Variants in DEFB116 observed in about 807,000 individuals in gnomAD.
DEFB116 encodes the protein defensin beta 116.
A neutral mutation model predicts 2.8 loss-of-function variants in DEFB116; 5 were observed. The ratio of observed to expected loss-of-function variants is 1.80; its 90% CI spans 0.94 to 3.79. The LOEUF is 3.79. Ranked by LOEUF, DEFB116 falls within the 30% of genes most tolerant of loss-of-function variation. The probability of loss-of-function intolerance (pLI) is 0.00; values close to 1 mark genes in which losing one functional copy is unlikely to be tolerated. For missense variants in DEFB116, 170 were observed against 118.0 expected (o/e 1.44, Z -2.04); for synonymous variants, 56 against 40.8 (o/e 1.37, Z -1.42).
chr20:31,305,836 T>C (rs117035090), intron 1 of DEFB116, among the ~76,000 whole-genome samples: 2,299 of 152,178 alleles, frequency 0.015, 28 homozygotes, highest in Non-Finnish European at 0.022. Flanking sequence ...TTTTTACGTA[T>C]ATTCATACTA....
In DEFB116 at chr20:31,308,540, T is replaced by C. The variant is rs1304713869; in HGVS notation, c.46A>G (p.Ile16Val). The change falls in exon 1 of 2, where the codon ATC becomes GTC. Residue 16 changes from isoleucine (I) to valine (V), a missense_variant. By Grantham distance (29) the Ile-to-Val change is conservative. Transcript: ENST00000400549. Reference sequence around the variant, plus strand: ...TTACCTGGAGTCTTTTGAGCCAGGATCATAAGGATGGCAATGGTCATTAAA... The same window carrying C: ...TTACCTGGAGTCTTTTGAGCCAGGACCATAAGGATGGCAATGGTCATTAAA... ...PCLMTIAILM[I>V]LAQKTPGGLF... 6.2e-7 allele frequency: 1 copy of C among 1,613,564 alleles called. No individual in the cohort carries two copies. Among genetic ancestry groups the C allele is most frequent in the South Asian group, 1.1e-5 (1 of 91,068 alleles).
In DEFB116 at chr20:31,307,260, C is replaced by A. The variant is rs190894806; in HGVS notation, c.67+1259G>T. On this transcript the variant is annotated intron_variant, in intron 1 of 1. Coordinates refer to ENST00000400549, the MANE Select transcript of DEFB116 (RefSeq NM_001037731.1). ...TTGGTAATTTTTGAAATATCCAACA[C>A]AGTACCGTTAACTATAGGAACTGTG... 7.5e-3 allele frequency among the ~76,000 whole-genome samples: 1,147 copies of A among 152,222 alleles called. 7 individuals are homozygous for A. Among genetic ancestry groups the A allele is most frequent in the Non-Finnish European group, 9.2e-3 (624 of 67,996 alleles).
At chr20:31,303,571 A>G (rs1475206320) in intron 1 of DEFB116, 118 bp from the exon 2 acceptor site, 16 of 1,392,684 alleles carry the variant, frequency 1.1e-5, no homozygotes, top group Non-Finnish European at 1.5e-5. Context: ...AATCAAAACT[A>G]CCTAGATTCA....
intron 1 of DEFB116, 102 bp downstream of exon 1, chr20:31,308,417 T>C (rs1985044787): frequency 8.9e-7 from 1 of 1,127,364 alleles, no homozygotes; most frequent in Admixed American, 1.8e-5. Flanking sequence ...GAAAAGGCTT[T>C]AGGTGTTGCC....
At chr20:31,305,334 G>A (rs924458649) in intron 1 of DEFB116, among the ~76,000 whole-genome samples, 5 of 152,028 alleles carry the variant, frequency 3.3e-5, no homozygotes, top group Non-Finnish European at 7.4e-5. Flanking sequence ...ACACTGGAGG[G>A]CAGTTGGAGA....
In DEFB116 at chr20:31,303,266, G is replaced by A. The variant is rs552225179; in HGVS notation, c.255C>T (p.Tyr85=). Residue 85 remains tyrosine (Y), a synonymous_variant, in exon 2 of 2, where the codon TAC becomes TAT. Coordinates refer to ENST00000400549, the MANE Select transcript of DEFB116 (RefSeq NM_001037731.1). ...TAACTGACAAGTTGGAGTTAGAGTCGTAATCCTCCTTCACATTTTTAGAAC... is the reference window on the plus strand; with the variant it reads ...TAACTGACAAGTTGGAGTTAGAGTCATAATCCTCCTTCACATTTTTAGAAC... ...ITSSKNVKED[Y]DSNSNLSVTN... 6 of 1,613,558 alleles carry A rather than the reference G, an allele frequency of 3.7e-6. No individual in the cohort carries two copies. Among genetic ancestry groups the A allele is most frequent in the Middle Eastern group, 1.7e-4 (1 of 6,056 alleles).
In DEFB116 at chr20:31,303,402, C is replaced by A. The variant is rs777067232; in HGVS notation, c.119G>T (p.Cys40Phe). Residue 40 changes from cysteine to phenylalanine, a missense_variant, in exon 2 of 2, where the codon TGT becomes TTT. Transcript: ENST00000400549. ...TCTGCACATGCCTTGGTAAAGCTCA[C>A]ATGGATTCCAAGGCTCTCGGCTCTT... ...NGKSREPWNP[C>F]ELYQGMCRNA... 6.2e-7 allele frequency: 1 copy of A among 1,613,530 alleles called. No homozygotes were observed. Among genetic ancestry groups the A allele is most frequent in the Non-Finnish European group, 8.5e-7 (1 of 1,179,598 alleles).
At chr20:31,305,474 A>C (rs567638381) in intron 1 of DEFB116, among the ~76,000 whole-genome samples, 15 of 152,132 alleles carry the variant, frequency 9.9e-5, no homozygotes, top group Non-Finnish European at 1.8e-4. Flanking sequence ...CAGTGATTTA[A>C]ATAAATTTTT....
At position 31,303,329 on chromosome 20, in the gene DEFB116, A is replaced by G. The variant is rs1984925037; in HGVS notation, c.192T>C (p.Asp64=). 6.2e-7 allele frequency: 1 copy of G among 1,613,462 alleles called. No individual in the cohort carries two copies. The highest frequency in any genetic ancestry group is 8.5e-7 in the Non-Finnish European group (1 of 1,179,598). ...YEIQYLTCPN[D]QKCCLKLSVK... ...CAGAAAGTTTCAGGCAGCACTTTTG[A>G]TCATTTGGGCAGGTTAAGTATTGGA... The change falls in exon 2 of 2, where the codon GAT becomes GAC. Residue 64 remains aspartate, a synonymous_variant. Coordinates refer to ENST00000400549, the MANE Select transcript of DEFB116 (RefSeq NM_001037731.1).
At position 31,303,350 on chromosome 20, in the gene DEFB116, T is replaced by C; in HGVS notation, c.171A>G (p.Gln57=). The C allele has an allele frequency of 6.2e-7, 1 of 1,613,636 alleles. No homozygotes were observed. Among genetic ancestry groups the C allele is most frequent in the Non-Finnish European group, 8.5e-7 (1 of 1,179,604 alleles). Residue 57 remains glutamine, a synonymous_variant, in exon 2 of 2, where the codon CAA becomes CAG. Transcript: ENST00000400549. ...CRNACREYEI[Q]YLTCPNDQKC... is the part of the protein sequence containing the mutation. ...TTTGATCATTTGGGCAGGTTAAGTA[T>C]TGGATTTCATATTCTCTGCAGGCGT...
intron 1 of DEFB116, among the ~76,000 whole-genome samples, chr20:31,306,155 C>T (rs6061164): frequency 1.3e-5 from 2 of 152,092 alleles, no homozygotes; most frequent in African/African-American, 4.8e-5. Flanking sequence ...AAACATGATC[C>T]TCTCCCATCC....
intron 1 of DEFB116, among the ~76,000 whole-genome samples, chr20:31,305,885 G>A (rs572503548): frequency 9.9e-5 from 15 of 152,094 alleles, no homozygotes; most frequent in Admixed American, 3.3e-4. Context: ...CTAAGGAGAG[G>A]CCAGAGCAAG....
intron 1 of DEFB116, among the ~76,000 whole-genome samples, chr20:31,306,668 G>T (rs552911921): frequency 6.6e-6 from 1 of 152,128 alleles, no homozygotes; most frequent in South Asian, 2.1e-4. Context: ...AGGAATATGA[G>T]AAAAGAGAGG....
chr20:31,307,392 C>G (rs781518269), intron 1 of DEFB116, among the ~76,000 whole-genome samples: 3 of 152,072 alleles, frequency 2.0e-5, no homozygotes, highest in Non-Finnish European at 4.4e-5. Flanking sequence ...GGATATTTAT[C>G]TTACACCATA....
intron 1 of DEFB116, among the ~76,000 whole-genome samples, chr20:31,308,304 C>G (rs1453990086): frequency 6.6e-6 from 1 of 152,090 alleles, no homozygotes; most frequent in Non-Finnish European, 1.5e-5. Flanking sequence ...TCCACTATGC[C>G]AGGATCAACA....
chr20:31,304,355 A>G (rs1220596674), intron 1 of DEFB116, among the ~76,000 whole-genome samples: 1 of 152,114 alleles, frequency 6.6e-6, no homozygotes, highest in Non-Finnish European at 1.5e-5. Flanking sequence ...TTAGAAAGAA[A>G]TATTAACAAT....
intron 1 of DEFB116, among the ~76,000 whole-genome samples, chr20:31,305,331 A>T (rs1479220453): frequency 1.3e-5 from 2 of 152,056 alleles, no homozygotes; most frequent in African/African-American, 4.8e-5. Flanking sequence ...AACACACTGG[A>T]GGGCAGTTGG....
intron 1 of DEFB116, among the ~76,000 whole-genome samples, chr20:31,308,002 C>G (rs959692226): frequency 6.6e-6 from 1 of 152,090 alleles, no homozygotes; most frequent in African/African-American, 2.4e-5. Context: ...ACCAACTCTA[C>G]CCCAGCTCCA....
intron 1 of DEFB116, among the ~76,000 whole-genome samples, chr20:31,306,473 C>A (rs1984992372): frequency 1.3e-5 from 2 of 152,134 alleles, no homozygotes; most frequent in Non-Finnish European, 2.9e-5. Flanking sequence ...ACACTATGTA[C>A]AACTCTTGAA....
Sources: allele counts gnomAD v4.1 joint callset (sites outside exome capture counted in the v4.1 genomes callset), GRCh38; gene constraint gnomAD v4.1.1; transcripts MANE v1.5; gene names NCBI Gene and HGNC (gene_info 2026-07-23, HGNC 2026-07-21).